TMEM144: variants seen among roughly 807,000 people sequenced by gnomAD.
TMEM144 encodes transmembrane protein 144.
TMEM144 carries 39 observed loss-of-function variants against 43.6 expected under a neutral mutation model. The observed-to-expected ratio is 0.90, with a 90% CI of 0.69 to 1.17. The LOEUF is 1.17. Among genes scored for constraint, TMEM144 ranks in the 50% most tolerant of loss-of-function variants. The pLI, the probability that TMEM144 is intolerant of heterozygous loss-of-function variation, is 0.00. For synonymous variants in TMEM144, 154 were observed against 133.6 expected (o/e 1.15, Z -1.06); for missense variants, 417 against 411.9 (o/e 1.01, Z -0.11).
At position 158,241,585 on chromosome 4, in the gene TMEM144, C is replaced by A. The variant is rs1380399526; in HGVS notation, c.879C>A (p.Val293=). The part of the protein sequence containing the change: ...FIANHSLSAV[V]SFPIITAGPG... The stretch of plus-strand genomic sequence containing the variant: ...CAAATCACTCTCTGAGTGCTGTGGT[C>A]AGTTTTCCAATAATCACTGCTGTAA... The change falls in exon 11 of 13, where the codon GTC becomes GTA. Residue 293 remains valine (V), a synonymous_variant. Coordinates refer to ENST00000296529, the MANE Select transcript of TMEM144 (RefSeq NM_018342.5). 17 of 1,613,744 alleles carry A rather than the reference C, an allele frequency of 1.1e-5. No homozygotes were observed. Among genetic ancestry groups the A allele is most frequent in the South Asian group, 1.1e-5 (1 of 91,046 alleles).
At chr4:158,238,086 T>C (rs1228047219) in intron 9 of TMEM144, among the ~76,000 whole-genome samples, 1 of 152,210 alleles carries the variant, frequency 6.6e-6, no homozygotes, top group African/African-American at 2.4e-5. Context: ...CCCAATGTAA[T>C]GCTTCCTGTT....
intron 6 of TMEM144, among the ~76,000 whole-genome samples, chr4:158,229,703 A>T (rs1734970321): frequency 6.6e-6 from 1 of 152,128 alleles, no homozygotes; most frequent in Non-Finnish European, 1.5e-5. Flanking sequence ...GAGTTGTTGG[A>T]GTTCCTGCAG....
rs1169869356 is a variant in TMEM144 at position 158,232,907 on chromosome 4, C to T, written c.420C>T (p.Phe140=). The part of the protein sequence containing the change: ...IGAGLSVVSA[F]IFLFIKSEIP... ...AAATTTATTTTCCTTACAGTGCTTT[C>T]ATATTTTTGTTCATCAAAAGTGAAA... The change falls in exon 7 of 13, where the codon TTC becomes TTT. Residue 140 remains phenylalanine (F), a synonymous_variant. Transcript: ENST00000296529. 1.9e-6 allele frequency: 3 copies of T among 1,607,010 alleles called. No individual in the cohort carries two copies. Among genetic ancestry groups the T allele is most frequent in the Non-Finnish European group, 2.6e-6 (3 of 1,176,358 alleles).
At chr4:158,237,395 G>C (rs1579135321) in intron 8 of TMEM144, 130 bp from the exon 9 acceptor site, 1 of 704,254 alleles carries the variant, frequency 1.4e-6, no homozygotes, top group East Asian at 2.6e-5. Flanking sequence ...CAGTCACAGA[G>C]CTTGAGATAA....
Position 158,215,346 on chromosome 4 carries a change from G to A in TMEM144, c.232+33G>A, listed in dbSNP as rs201250106. 6.3e-4 allele frequency: 1,010 copies of A among 1,602,454 alleles called. 9 individuals are homozygous for A. Among genetic ancestry groups the A allele is most frequent in the Admixed American group, 1.0e-3 (59 of 58,912 alleles). The stretch of plus-strand genomic sequence containing the variant: ...CTGATATAACTTATACTTTTATTAT[G>A]TAACATAATGATAAAAATAATTCTC... On this transcript the variant is annotated intron_variant, in intron 4 of 12. Coordinates refer to ENST00000296529, the MANE Select transcript of TMEM144 (RefSeq NM_018342.5).
chr4:158,253,793 C>A lies in TMEM144; in HGVS notation c.*266C>A. 2.4e-6 allele frequency: 1 copy of A among 410,322 alleles called. No homozygotes were observed. The allele number at this position is 410,322 out of a possible 1,614,324, so 25.4% of individuals were successfully genotyped here. ...GACTAAAATGTCTACATTATTATAG[C>A]ATTACATACGAGGATGCTCTTTTTA... On this transcript the variant is annotated 3_prime_UTR_variant, in exon 13 of 13. Coordinates refer to ENST00000296529, the MANE Select transcript of TMEM144 (RefSeq NM_018342.5).
At chr4:158,245,953 G>C (rs773766576) in intron 12 of TMEM144, among the ~76,000 whole-genome samples, 5 of 151,784 alleles carry the variant, frequency 3.3e-5, no homozygotes, top group Non-Finnish European at 5.9e-5. Flanking sequence ...GAAAAAAAAA[G>C]AAAGAATAAG....
In TMEM144 at chr4:158,212,750, C is replaced by T; in HGVS notation, c.83C>T (p.Pro28Leu). 1 of 1,613,618 alleles carries T rather than the reference C, an allele frequency of 6.2e-7. No homozygotes were observed. Among genetic ancestry groups the T allele is most frequent in the South Asian group, 1.1e-5 (1 of 91,052 alleles). The part of the protein sequence containing the change: ...AILLFGSNFV[P>L]LKKFDTGDGM... ...CTTTTGTTTGGCTCAAATTTTGTGC[C>T]ACTTAAAAAATTTGATACTGGTGAT... The change falls in exon 3 of 13, where the codon CCA becomes CTA. Residue 28 changes from proline to leucine, a missense_variant. Coordinates refer to ENST00000296529, the MANE Select transcript of TMEM144 (RefSeq NM_018342.5).
At chr4:158,250,509 C>T (rs1275582224) in intron 12 of TMEM144, among the ~76,000 whole-genome samples, 1 of 152,126 alleles carries the variant, frequency 6.6e-6, no homozygotes, top group Non-Finnish European at 1.5e-5. Context: ...ACTGTCAACC[C>T]GTCTATCCTG....
intron 6 of TMEM144, among the ~76,000 whole-genome samples, chr4:158,229,510 CT>C (rs1403846621): frequency 6.6e-6 from 1 of 152,084 alleles, no homozygotes; most frequent in Non-Finnish European, 1.5e-5. Flanking sequence ...TAAGGCAGCA[CT>C]TTGACTGTCC....
chr4:158,242,176 T>C (rs1735666277), intron 11 of TMEM144, among the ~76,000 whole-genome samples: 1 of 152,200 alleles, frequency 6.6e-6, no homozygotes, highest in Non-Finnish European at 1.5e-5. Context: ...TCACAGAGAT[T>C]ATTCTTGAAA....
chr4:158,253,798 C>T lies in TMEM144; in HGVS notation c.*271C>T. 2.5e-6 allele frequency: 1 copy of T among 398,326 alleles called. No homozygotes were observed. The highest frequency in any genetic ancestry group is 2.6e-5 in the South Asian group (1 of 38,858). The allele number at this position is 398,326 out of a possible 1,614,324, so 24.7% of individuals were successfully genotyped here. ...AAATGTCTACATTATTATAGCATTACATACGAGGATGCTCTTTTTACCACA... is the reference window on the plus strand; with the variant it reads ...AAATGTCTACATTATTATAGCATTATATACGAGGATGCTCTTTTTACCACA... On this transcript the variant is annotated 3_prime_UTR_variant, in exon 13 of 13. Coordinates refer to ENST00000296529, the MANE Select transcript of TMEM144 (RefSeq NM_018342.5).
At position 158,215,294 on chromosome 4, in the gene TMEM144, G is replaced by A; in HGVS notation, c.213G>A (p.Gly71=). The A allele has an allele frequency of 6.2e-7, 1 of 1,613,606 alleles. No individual in the cohort carries two copies. Among genetic ancestry groups the A allele is most frequent in the South Asian group, 1.1e-5 (1 of 91,044 alleles). The change falls in exon 4 of 13, where the codon GGG becomes GGA. Residue 71 remains glycine (G), a synonymous_variant. Coordinates refer to ENST00000296529, the MANE Select transcript of TMEM144 (RefSeq NM_018342.5). ...AGTTTTGGCCTTTTGCAATGCTTGG[G>A]GGCTGCATTTGGGCAACAGGTAATG... ...CPKFWPFAML[G]GCIWATGNIA... is the part of the protein sequence containing the mutation.
intron 6 of TMEM144, among the ~76,000 whole-genome samples, chr4:158,225,485 C>T (rs1734718853): frequency 6.6e-6 from 1 of 152,208 alleles, no homozygotes; most frequent in Non-Finnish European, 1.5e-5. Flanking sequence ...TGATTTTAAG[C>T]TTTAAATTGA....
intron 5 of TMEM144, among the ~76,000 whole-genome samples, chr4:158,219,049 G>T (rs1416480307): frequency 6.6e-6 from 1 of 152,068 alleles, no homozygotes; most frequent in Non-Finnish European, 1.5e-5. Context: ...GGAGGCAGAG[G>T]TTGCAGTGAG....
rs1735785905 is a variant in TMEM144 at position 158,244,438 on chromosome 4, G to A, written c.954+89G>A. 11 of 1,014,536 alleles carry A rather than the reference G, an allele frequency of 1.1e-5. 1 individual carries two copies. Among genetic ancestry groups the A allele is most frequent in the South Asian group, 8.3e-5 (6 of 72,000 alleles). The allele number at this position is 1,014,536 out of a possible 1,614,324, so 62.8% of individuals were successfully genotyped here. ...GCTTGTCCTGGCACTTTGGGAGGCC[G>A]AGGCAGGTGGATCGTGAGGTTAGGA... On this transcript the variant is annotated intron_variant, in intron 12 of 12. Transcript: ENST00000296529.
intron 6 of TMEM144, among the ~76,000 whole-genome samples, chr4:158,228,688 C>T (rs758189367): frequency 2.0e-5 from 3 of 152,270 alleles, no homozygotes; most frequent in South Asian, 2.1e-4. Flanking sequence ...CAGGCTTAAG[C>T]CGCCTAAGGA....
chr4:158,215,302 T>C lies in TMEM144; in HGVS notation c.221T>C (p.Ile74Thr). 5 of 1,613,710 alleles carry C rather than the reference T, an allele frequency of 3.1e-6. No homozygotes were observed. Among genetic ancestry groups the C allele is most frequent in the Non-Finnish European group, 4.2e-6 (5 of 1,179,738 alleles). Residue 74 changes from isoleucine (I) to threonine (T), a missense_variant, in exon 4 of 13, where the codon ATT (isoleucine) becomes ACT (threonine). Coordinates refer to ENST00000296529, the MANE Select transcript of TMEM144 (RefSeq NM_018342.5). ...CCTTTTGCAATGCTTGGGGGCTGCA[T>C]TTGGGCAACAGGTAATGTCTGATAT... ...FWPFAMLGGC[I>T]WATGNIAVVP...
At chr4:158,246,421 C>A (rs890465106) in intron 12 of TMEM144, among the ~76,000 whole-genome samples, 2 of 152,072 alleles carry the variant, frequency 1.3e-5, no homozygotes, top group African/African-American at 4.8e-5. Context: ...AGATTTAAAA[C>A]ATCATTTCAA....
Sources: allele counts gnomAD v4.1 joint callset (sites outside exome capture counted in the v4.1 genomes callset), GRCh38; gene constraint gnomAD v4.1.1; transcripts MANE v1.5; gene names NCBI Gene and HGNC (gene_info 2026-07-23, HGNC 2026-07-21).